Variants in NTM observed in about 807,000 individuals in gnomAD.
The protein encoded by NTM is IgLON family member 2.
A neutral mutation model predicts 42.1 loss-of-function variants in NTM; 13 were observed. The observed-to-expected ratio is 0.31, with a 90% CI of 0.20 to 0.49. The LOEUF is 0.49. NTM is among the 20% of genes least tolerant of loss of function. The probability of loss-of-function intolerance (pLI) is 0.99; values close to 1 mark genes in which losing one functional copy is unlikely to be tolerated. For synonymous variants in NTM, 187 were observed against 179.2 expected, an observed-to-expected ratio of 1.04 and a Z score of -0.35; for missense variants, 373 against 452.8, an observed-to-expected ratio of 0.82 and a Z score of 1.60.
Position 132,169,320 on chromosome 11 carries a change from C to CTTTTTTTTTTTTTTTTTTT in NTM, c.400+22820_400+22838dup, listed in dbSNP as rs567723794. On this transcript the variant is annotated intron_variant, in intron 3 of 8. Transcript: ENST00000683400. ...GTGATATCTAGGTTTAATTTTTTTA[C>CTTTTTTTTTTTTTTTTTTT]TTTTTTTTTTTTTTTTTTTTTTTTT... 1.0e-3 allele frequency among the ~76,000 whole-genome samples: 33 copies of CTTTTTTTTTTTTTTTTTTT among 32,370 alleles called. 14 individuals carry two copies. Among genetic ancestry groups the CTTTTTTTTTTTTTTTTTTT allele is most frequent in the Admixed American group, 2.6e-3 (4 of 1,512 alleles). The allele number at this position is 32,370 out of a possible 152,430, so 21.2% of individuals were successfully genotyped here.
At chr11:131,372,707 C>T (rs1941385822) in intron 1 of NTM, among the ~76,000 whole-genome samples, 1 of 152,104 alleles carries the variant, frequency 6.6e-6, no homozygotes, top group Non-Finnish European at 1.5e-5. Context: ...GAGACAATGA[C>T]CAAACTTCCA....
chr11:131,919,763 T>C (rs890317254), intron 2 of NTM, among the ~76,000 whole-genome samples: 1 of 152,158 alleles, frequency 6.6e-6, no homozygotes, highest in Non-Finnish European at 1.5e-5. Context: ...CATATGCATG[T>C]GTGCATATAT....
At chr11:131,917,676 A>G (rs1029756327) in intron 2 of NTM, among the ~76,000 whole-genome samples, 1 of 152,114 alleles carries the variant, frequency 6.6e-6, no homozygotes, top group African/African-American at 2.4e-5. Flanking sequence ...TCCGTTGTTT[A>G]TGAGTTCACC....
At chr11:131,695,906 G>A (rs1447491803) in intron 1 of NTM, among the ~76,000 whole-genome samples, 1 of 152,146 alleles carries the variant, frequency 6.6e-6, no homozygotes, top group Non-Finnish European at 1.5e-5. Flanking sequence ...CCTGCGCTCT[G>A]GACTCTGATC....
intron 1 of NTM, among the ~76,000 whole-genome samples, chr11:131,527,799 G>A (rs985518069): frequency 8.5e-5 from 13 of 152,118 alleles, no homozygotes; most frequent in Admixed American, 1.3e-4. Context: ...TGGACTAGAC[G>A]GTCTCTGAAT....
chr11:132,235,059 TG>T (rs1022166093), intron 4 of NTM, among the ~76,000 whole-genome samples: 21 of 152,362 alleles, frequency 1.4e-4, no homozygotes, highest in African/African-American at 4.8e-4. Flanking sequence ...CCATATGATC[TG>T]AAGACTCTGT....
chr11:132,100,903 A>C (rs956045389), intron 2 of NTM, among the ~76,000 whole-genome samples: 1 of 152,196 alleles, frequency 6.6e-6, no homozygotes, highest in Non-Finnish European at 1.5e-5. Context: ...TACAGAGGGA[A>C]ATTTGACAGC....
At chr11:131,554,206 T>A (rs2055084143) in intron 1 of NTM, among the ~76,000 whole-genome samples, 1 of 152,222 alleles carries the variant, frequency 6.6e-6, no homozygotes, top group Admixed American at 6.5e-5. Context: ...GGCTCCTTCA[T>A]GGCTTTGTCA....
chr11:131,448,952 TG>T (rs1381693852), intron 1 of NTM, among the ~76,000 whole-genome samples: 1 of 152,202 alleles, frequency 6.6e-6, no homozygotes, highest in African/African-American at 2.4e-5. Flanking sequence ...AGGAAGCTTT[TG>T]TCCATCCACT....
chr11:131,437,047 T>C (rs1169851602), intron 1 of NTM, among the ~76,000 whole-genome samples: 1 of 152,226 alleles, frequency 6.6e-6, no homozygotes, highest in Non-Finnish European at 1.5e-5. Context: ...TTTTACACAG[T>C]AGTCATTCAG....
chr11:132,289,092 A>G (rs1164290802), intron 4 of NTM, among the ~76,000 whole-genome samples: 1 of 152,114 alleles, frequency 6.6e-6, no homozygotes, highest in Non-Finnish European at 1.5e-5. Flanking sequence ...TTTGTTTTAA[A>G]AGTGTTCACC....
At chr11:131,736,545 T>C (rs918223085) in intron 1 of NTM, among the ~76,000 whole-genome samples, 4 of 152,216 alleles carry the variant, frequency 2.6e-5, no homozygotes, top group African/African-American at 9.6e-5. Context: ...ATTCAGCTGC[T>C]TCTCAAATGG....
intron 4 of NTM, among the ~76,000 whole-genome samples, chr11:132,275,961 C>A (rs1037286676): frequency 3.3e-5 from 5 of 151,698 alleles, no homozygotes; most frequent in African/African-American, 1.2e-4. Context: ...GACTTTATAC[C>A]TATTGATCAA....
At chr11:131,479,440 T>C (rs543160265) in intron 1 of NTM, among the ~76,000 whole-genome samples, 157 of 152,262 alleles carry the variant, frequency 1.0e-3, no homozygotes, top group Middle Eastern at 3.4e-3. Flanking sequence ...GATGGGTTAT[T>C]TGGGGAGCCC....
chr11:131,650,351 G>C (rs1255987007), intron 1 of NTM, among the ~76,000 whole-genome samples: 1 of 152,116 alleles, frequency 6.6e-6, no homozygotes, highest in African/African-American at 2.4e-5. Context: ...CTGTGGCGAG[G>C]GGCCATTGCT....
intron 2 of NTM, among the ~76,000 whole-genome samples, chr11:132,024,678 C>T (rs1042266815): frequency 6.6e-6 from 1 of 152,202 alleles, no homozygotes; most frequent in Admixed American, 6.5e-5. Flanking sequence ...TGCGCAGATA[C>T]AGTCTGGCTG....
chr11:132,132,246 C>A (rs1247131351), intron 2 of NTM, among the ~76,000 whole-genome samples: 2 of 152,134 alleles, frequency 1.3e-5, no homozygotes. Context: ...AGGAAAACAG[C>A]CCTCTCCTAA....
intron 2 of NTM, among the ~76,000 whole-genome samples, chr11:132,065,688 T>A (rs886721589): frequency 1.3e-5 from 2 of 152,304 alleles, no homozygotes; most frequent in East Asian, 3.9e-4. Flanking sequence ...AGATGATAAA[T>A]CATGGGTTCT....
At chr11:132,190,024 G>A (rs959603086) in intron 3 of NTM, among the ~76,000 whole-genome samples, 4 of 152,188 alleles carry the variant, frequency 2.6e-5, no homozygotes, top group Non-Finnish European at 4.4e-5. Context: ...CGATCAGAGT[G>A]GTTTGAACAA....
Sources: gnomAD v4.1 joint callset for allele counts (sites outside exome capture counted in the v4.1 genomes callset) on GRCh38, gnomAD v4.1.1 for gene constraint, MANE v1.5 for transcripts, NCBI Gene and HGNC (gene_info 2026-07-23, HGNC 2026-07-21) for gene names.